The following HMBOX1 variants were observed in gnomAD, a reference collection of about 807,000 sequenced individuals.
The protein encoded by HMBOX1 is homeobox containing 1, also known as homeobox-containing protein 1.
Under a neutral mutation model 54.5 loss-of-function variants are expected in HMBOX1, and 14 were observed. That is an observed-to-expected ratio of 0.26 (90% confidence interval 0.17 to 0.40). The LOEUF (loss-of-function observed/expected upper bound fraction) is 0.40. HMBOX1 is among the 10% of genes least tolerant of loss of function. The pLI is 1.00. For synonymous variants in HMBOX1, 160 were observed against 181.0 expected (o/e 0.88, Z 0.93); for missense variants, 332 against 514.4 (o/e 0.65, Z 3.43).
chr8:28,948,989 A>G (rs905330363), intron 1 of HMBOX1, among the ~76,000 whole-genome samples: 12 of 152,348 alleles, frequency 7.9e-5, no homozygotes, highest in Admixed American at 2.0e-4. Flanking sequence ...AGAGGTTTCA[A>G]AGCCACATGA....
At chr8:28,928,456 T>C (rs1203504353) in intron 1 of HMBOX1, among the ~76,000 whole-genome samples, 3 of 152,136 alleles carry the variant, frequency 2.0e-5, no homozygotes, top group Non-Finnish European at 4.4e-5. Context: ...GAGAGCAATA[T>C]GGAAATTCCT....
chr8:29,045,686 T>C (rs1805470244), intron 7 of HMBOX1, among the ~76,000 whole-genome samples: 1 of 152,228 alleles, frequency 6.6e-6, no homozygotes, highest in Non-Finnish European at 1.5e-5. Flanking sequence ...ACATGAGATA[T>C]GAGACCTTGA....
At chr8:29,035,413 G>C (rs1803697131) in intron 6 of HMBOX1, among the ~76,000 whole-genome samples, 1 of 152,134 alleles carries the variant, frequency 6.6e-6, no homozygotes, top group Non-Finnish European at 1.5e-5. Context: ...CCAGGAATAA[G>C]AAACTTAATT....
At chr8:29,037,098 A>T (rs1804007432) in intron 6 of HMBOX1, among the ~76,000 whole-genome samples, 5 of 152,204 alleles carry the variant, frequency 3.3e-5, no homozygotes, top group Admixed American at 3.3e-4. Context: ...GATGCTGCAA[A>T]GTCATGAAAA....
intron 4 of HMBOX1, among the ~76,000 whole-genome samples, chr8:28,982,885 A>G (rs1449686290): frequency 6.6e-6 from 1 of 151,886 alleles, no homozygotes; most frequent in Non-Finnish European, 1.5e-5. Context: ...CGGCCTCCCA[A>G]AGTGCTGCGA....
chr8:28,953,751 T>C (rs1823924288), intron 1 of HMBOX1, among the ~76,000 whole-genome samples: 1 of 152,196 alleles, frequency 6.6e-6, no homozygotes, highest in Non-Finnish European at 1.5e-5. Flanking sequence ...GAGGAGGAGA[T>C]ATAAGATTGG....
intron 5 of HMBOX1, among the ~76,000 whole-genome samples, chr8:29,014,968 C>T (rs1834788145): frequency 6.6e-6 from 1 of 152,202 alleles, no homozygotes; most frequent in South Asian, 2.1e-4. Context: ...GCATGAGCCA[C>T]CGCGCCCGGC....
intron 1 of HMBOX1, 150 bp from the exon 2 acceptor site, chr8:28,963,661 A>G: frequency 2.1e-6 from 1 of 470,860 alleles, no homozygotes; most frequent in Non-Finnish European, 3.8e-6. Context: ...GTGTATGGTG[A>G]ATAAAGCAGT....
chr8:28,922,322 G>A (rs150051513), intron 1 of HMBOX1, among the ~76,000 whole-genome samples: 180 of 152,330 alleles, frequency 1.2e-3, no homozygotes, highest in Non-Finnish European at 1.5e-3. Context: ...TTACATAAGG[G>A]ATTTGAGCAT....
At chr8:28,997,700 A>G (rs1832073874) in intron 4 of HMBOX1, among the ~76,000 whole-genome samples, 1 of 152,092 alleles carries the variant, frequency 6.6e-6, no homozygotes, top group African/African-American at 2.4e-5. Context: ...GGTGTGCGCC[A>G]TCATGCCTTG....
chr8:28,901,375 C>T (rs1278847100), intron 1 of HMBOX1, among the ~76,000 whole-genome samples: 1 of 151,850 alleles, frequency 6.6e-6, no homozygotes, highest in Non-Finnish European at 1.5e-5. Context: ...TTAAAATTAC[C>T]TCTGGTCTTG....
intron 1 of HMBOX1, among the ~76,000 whole-genome samples, chr8:28,954,763 A>T (rs778455815): frequency 5.9e-5 from 9 of 152,236 alleles, no homozygotes; most frequent in Non-Finnish European, 1.2e-4. Context: ...ACAAAGATGT[A>T]TGAAGAAGGA....
chr8:28,957,085 T>C (rs1193306328), intron 1 of HMBOX1, among the ~76,000 whole-genome samples: 2 of 152,124 alleles, frequency 1.3e-5, no homozygotes, highest in Admixed American at 6.5e-5. Flanking sequence ...AAGGAAAATA[T>C]ATTGTTCTAC....
At chr8:29,005,000 C>T (rs1435475538) in intron 4 of HMBOX1, among the ~76,000 whole-genome samples, 1 of 152,102 alleles carries the variant, frequency 6.6e-6, no homozygotes, top group Non-Finnish European at 1.5e-5. Context: ...GGAAAAATTA[C>T]CTGCTTTACT....
intron 1 of HMBOX1, among the ~76,000 whole-genome samples, chr8:28,918,061 T>C (rs1030698976): frequency 3.3e-5 from 5 of 152,126 alleles, no homozygotes; most frequent in Non-Finnish European, 5.9e-5. Flanking sequence ...AGAGACTGAG[T>C]AGGATTGCCA....
intron 5 of HMBOX1, among the ~76,000 whole-genome samples, chr8:29,017,606 T>C (rs1835221021): frequency 6.6e-6 from 1 of 152,194 alleles, no homozygotes; most frequent in African/African-American, 2.4e-5. Context: ...AAAGATTAAT[T>C]TGAGAATTTT....
chr8:28,932,118 G>A (rs1406105743), intron 1 of HMBOX1, among the ~76,000 whole-genome samples: 2 of 152,158 alleles, frequency 1.3e-5, no homozygotes, highest in East Asian at 1.9e-4. Context: ...GGAATCAAAC[G>A]TGAAAAGAAT....
At chr8:29,011,868 C>CT (rs1319960202) in intron 5 of HMBOX1, among the ~76,000 whole-genome samples, 15 of 152,174 alleles carry the variant, frequency 9.9e-5, no homozygotes, top group African/African-American at 1.7e-4. Flanking sequence ...GAGCTGATTT[C>CT]TTTAAGTACA....
intron 1 of HMBOX1, among the ~76,000 whole-genome samples, chr8:28,914,710 T>C (rs1020119059): frequency 3.3e-5 from 5 of 152,220 alleles, no homozygotes; most frequent in African/African-American, 1.2e-4. Context: ...AAATATGTGG[T>C]TTTCATTTCA....
Sources: allele counts gnomAD v4.1 joint callset (sites outside exome capture counted in the v4.1 genomes callset), GRCh38; gene constraint gnomAD v4.1.1; transcripts MANE v1.5; gene names NCBI Gene and HGNC (gene_info 2026-07-23, HGNC 2026-07-21).